RRM2: variants seen among roughly 807,000 people sequenced by gnomAD.
RRM2 encodes the protein ribonucleotide reductase regulatory subunit M2, also known as ribonucleoside-diphosphate reductase subunit M2.
RRM2 carries 6 observed loss-of-function variants against 45.9 expected under a neutral mutation model. The ratio of observed to expected loss-of-function variants is 0.13; its 90% CI spans 0.07 to 0.26. RRM2 has a LOEUF of 0.26. Ranked by LOEUF, RRM2 falls within the 10% of genes least tolerant of loss-of-function variation. The pLI is 1.00. For synonymous variants in RRM2, 177 were observed against 173.0 expected (o/e 1.02, Z -0.18); for missense variants, 343 against 489.5 (o/e 0.70, Z 2.82).
Position 10,172,078 on chromosome 2 carries a change from A to G in RRM2, n.482+29703A>G, listed in dbSNP as rs371865244. On this transcript the variant is annotated intron_variant and non_coding_transcript_variant, in intron 3 of 3. Transcript: ENST00000381786. The surrounding 1 kb of genome is among the most constrained non-coding windows in gnomAD (Gnocchi z 4.9). ...CTTTGGGGTCTGCGTGCATTTGAGC[A>G]TGAGTGCATTAACAGGGGGAACGTC... 6.6e-6 allele frequency among the ~76,000 whole-genome samples: 1 copy of G among 152,216 alleles called. No homozygotes were observed. Among genetic ancestry groups the G allele is most frequent in the African/African-American group, 2.4e-5 (1 of 41,454 alleles).
chr2:10,210,427 G>A (rs1401016780), exon 4 of RRM2: 1 of 1,367,876 alleles, frequency 7.3e-7, no homozygotes, highest in Admixed American at 1.9e-5. Context: ...CTTCCAGACA[G>A]GGACACCCCT....
At chr2:10,151,756 C>T (rs1234605375) in intron 3 of RRM2, among the ~76,000 whole-genome samples, 1 of 152,214 alleles carries the variant, frequency 6.6e-6, no homozygotes, top group Non-Finnish European at 1.5e-5. Flanking sequence ...GCTTCATACC[C>T]TTGCCAACAC....
chr2:10,148,951 CTTGA>C (rs1437387607), intron 3 of RRM2, among the ~76,000 whole-genome samples: 1 of 152,064 alleles, frequency 6.6e-6, no homozygotes, highest in African/African-American at 2.4e-5. Context: ...TTCTCAGTGT[CTTGA>C]TTGTGTCTTG....
intron 3 of RRM2, among the ~76,000 whole-genome samples, chr2:10,197,840 G>GC (rs1354211815): frequency 2.0e-5 from 3 of 152,082 alleles, no homozygotes; most frequent in Admixed American, 1.3e-4. Flanking sequence ...CTTCTCTAAG[G>GC]CCCAGGCTCT....
intron 3 of RRM2, among the ~76,000 whole-genome samples, chr2:10,159,966 G>C (rs757891951): frequency 3.3e-5 from 5 of 152,172 alleles, no homozygotes; most frequent in Admixed American, 6.5e-5. Flanking sequence ...TGTGCTTAGT[G>C]CATCCCCAGG....
intron 3 of RRM2, among the ~76,000 whole-genome samples, chr2:10,208,583 T>A (rs1257196268): frequency 6.6e-6 from 1 of 152,214 alleles, no homozygotes; most frequent in African/African-American, 2.4e-5. Context: ...TCATCTTTGT[T>A]AATTTAAGAT....
downstream of RRM2, among the ~76,000 whole-genome samples, chr2:10,133,724 AATG>A (rs1662942542): frequency 1.5e-5 from 2 of 130,284 alleles, no homozygotes; most frequent in South Asian, 2.3e-4. Flanking sequence ...TTTTTTTTTT[AATG>A]ATGAGAATAG....
At chr2:10,135,878 CA>C (rs1162308122), downstream of RRM2, among the ~76,000 whole-genome samples, 7 of 152,134 alleles carry the variant, frequency 4.6e-5, no homozygotes, top group Non-Finnish European at 8.8e-5. Context: ...CCTGCCTCCC[CA>C]GGGACTGATG....
chr2:10,148,143 C>CAAAAAAAAAAAAAAAAAAAA (rs374826185), intron 3 of RRM2, among the ~76,000 whole-genome samples: 1 of 119,566 alleles, frequency 8.4e-6, no homozygotes, highest in Non-Finnish European at 1.7e-5. Flanking sequence ...GACCCTGACT[C>CAAAAAAAAAAAAAAAAAAAA]AAAAAAAAAA....
rs2125308256 is a variant in RRM2 at position 10,129,509 on chromosome 2, T to C, written c.*123T>C. 2 of 998,108 alleles carry C rather than the reference T, an allele frequency of 2.0e-6. No homozygotes were observed. The highest frequency in any genetic ancestry group is 3.2e-5 in the African/African-American group (2 of 61,968). 61.8% of individuals were successfully genotyped at this position (998,108 alleles called of 1,614,324 possible). On this transcript the variant is annotated 3_prime_UTR_variant, in exon 10 of 10. Coordinates refer to ENST00000304567, the MANE Select transcript of RRM2 (RefSeq NM_001034.4). This position sits in a 1 kb window ranked among gnomAD's most constrained non-coding sequence, Gnocchi z 4.8. The stretch of plus-strand genomic sequence containing the variant: ...CCGTAATGTTCATTAACAGCATCTT[T>C]AAAACTGTGTAGCTACCTCACAACC...
intron 3 of RRM2, among the ~76,000 whole-genome samples, chr2:10,154,386 A>G (rs757712476): frequency 8.5e-4 from 92 of 108,552 alleles, no homozygotes; most frequent in Admixed American, 1.1e-3. Context: ...CTGAGGCAGG[A>G]GAATTGCTTG....
rs1444827939 is a variant in RRM2, at chr2:10,127,072, T to C, written c.665-15T>C. On this transcript the variant is annotated splice_polypyrimidine_tract_variant and intron_variant, in intron 6 of 9. Transcript: ENST00000304567. The surrounding 1 kb of genome is among the most constrained non-coding windows in gnomAD (Gnocchi z 4.1). ...CCAACTCACTAGAATCATGTTGGTG[T>C]TAACTCCTAAATAGGTGAACGTGTT... The C allele has an allele frequency of 1.9e-6, 3 of 1,613,530 alleles. No individual in the cohort carries two copies. The African/African-American group carries it at 4.0e-5, about 22-fold the overall frequency.
intron 3 of RRM2, among the ~76,000 whole-genome samples, chr2:10,186,557 G>A (rs1664170676): frequency 6.6e-6 from 1 of 152,178 alleles, no homozygotes; most frequent in South Asian, 2.1e-4. Context: ...AGACCTGCAG[G>A]TCCACAGGAG....
At chr2:10,141,753 C>T (rs867218614) in intron 1 of RRM2, 57 of 1,483,066 alleles carry the variant, frequency 3.8e-5, no homozygotes, top group Middle Eastern at 4.2e-4. Context: ...GCACGGGAAA[C>T]AGAGCCCCAG....
At position 10,205,679 on chromosome 2, in the gene RRM2, TTTTTA is replaced by T. The variant is rs1484118542; in HGVS notation, n.483-4618_483-4614del. ...ACACAGTTTGAGAGGGTCCTTTTTA[TTTTTA>T]TTTTATTTTATTTATTTATTTTTTT... On this transcript the variant is annotated intron_variant and non_coding_transcript_variant, in intron 3 of 3. Transcript: ENST00000381786. The surrounding 1 kb of genome is among the most constrained non-coding windows in gnomAD (Gnocchi z 4.8). 1.3e-5 allele frequency among the ~76,000 whole-genome samples: 2 copies of T among 152,058 alleles called. No homozygotes were observed. Among genetic ancestry groups the T allele is most frequent in the African/African-American group, 4.8e-5 (2 of 41,420 alleles).
At chr2:10,136,613 A>T (rs1470013166), upstream of RRM2, among the ~76,000 whole-genome samples, 2 of 152,148 alleles carry the variant, frequency 1.3e-5, no homozygotes, top group Admixed American at 1.3e-4. Flanking sequence ...CTATAGAAAA[A>T]TTTTTAAAAA....
At chr2:10,159,767 C>T (rs1049207627) in intron 3 of RRM2, among the ~76,000 whole-genome samples, 2 of 152,296 alleles carry the variant, frequency 1.3e-5, no homozygotes, top group Middle Eastern at 3.4e-3. Flanking sequence ...TCTTTGTTTC[C>T]CAGAAGCCTC....
chr2:10,158,813 G>A (rs1327045691), intron 3 of RRM2, among the ~76,000 whole-genome samples: 4 of 151,918 alleles, frequency 2.6e-5, no homozygotes, highest in Non-Finnish European at 3.0e-5. Context: ...ACAGCTGGGT[G>A]CTTCCGAGGA....
downstream of RRM2, among the ~76,000 whole-genome samples, chr2:10,132,453 C>T (rs1662919662): frequency 1.3e-5 from 2 of 152,060 alleles, no homozygotes; most frequent in South Asian, 4.1e-4. Context: ...GGACTAGTGT[C>T]TGAGGTTGTG....
Sources: allele counts gnomAD v4.1 joint callset (sites outside exome capture counted in the v4.1 genomes callset), GRCh38; gene constraint gnomAD v4.1.1; non-coding constraint Gnocchi (gnomAD v3.1); transcripts MANE v1.5; gene names NCBI Gene and HGNC (gene_info 2026-07-23, HGNC 2026-07-21).